KIF13A: variants seen among roughly 807,000 people sequenced by gnomAD.
KIF13A encodes the protein kinesin-like protein KIF13A.
A neutral mutation model predicts 212.2 loss-of-function variants in KIF13A; 79 were observed. The observed-to-expected ratio is 0.37, with a 90% CI of 0.31 to 0.45. KIF13A has a LOEUF of 0.45. Among genes scored for constraint, KIF13A ranks in the 20% least tolerant of loss-of-function variants. The probability of loss-of-function intolerance (pLI) is 1.00; values close to 1 mark genes in which losing one functional copy is unlikely to be tolerated. For synonymous variants in KIF13A, 789 were observed against 808.6 expected, an observed-to-expected ratio of 0.98 and a Z score of 0.41; for missense variants, 1,901 against 2,209.0, an observed-to-expected ratio of 0.86 and a Z score of 2.79.
In KIF13A at chr6:17,934,688, C is replaced by T. The variant is rs1207524059; in HGVS notation, c.147-36508G>A. On this transcript the variant is annotated intron_variant, in intron 2 of 38. Transcript: ENST00000259711. This position sits in a 1 kb window ranked among gnomAD's most constrained non-coding sequence, Gnocchi z 5.4. ...CTGTGGTCTCACCTACTTGGGAGGCCGAGGTGGGAGGATCGCTTGAGCCCA... is the reference window on the plus strand; with the variant it reads ...CTGTGGTCTCACCTACTTGGGAGGCTGAGGTGGGAGGATCGCTTGAGCCCA... Among the ~76,000 whole-genome samples, 3 of 150,908 alleles carry T rather than the reference C, an allele frequency of 2.0e-5. No homozygotes were observed. Among genetic ancestry groups the T allele is most frequent in the Admixed American group, 6.6e-5 (1 of 15,120 alleles).
intron 2 of KIF13A, among the ~76,000 whole-genome samples, chr6:17,910,296 T>C (rs1773927314): frequency 6.6e-6 from 1 of 152,228 alleles, no homozygotes; most frequent in Non-Finnish European, 1.5e-5. Flanking sequence ...CCTGAAAAGA[T>C]AGAGAACCTA....
In KIF13A at chr6:17,789,092, C is replaced by A. The variant is rs1761317925; in HGVS notation, c.3261+780G>T. ...TCCTTTGAAGATGTGTATGGAGAAT[C>A]CGTACAAAGACTGGGAACCGAACCC... is the stretch of plus-strand genomic sequence containing the variant. On this transcript the variant is annotated intron_variant, in intron 26 of 38. Coordinates refer to ENST00000259711, the MANE Select transcript of KIF13A (RefSeq NM_022113.6). The surrounding 1 kb of genome is among the most constrained non-coding windows in gnomAD (Gnocchi z 4.8). Among the ~76,000 whole-genome samples the A allele has an allele frequency of 1.3e-5, 2 of 152,182 alleles. No individual in the cohort carries two copies. Among genetic ancestry groups the A allele is most frequent in the Non-Finnish European group, 2.9e-5 (2 of 68,046 alleles).
chr6:17,984,126 G>C lies in KIF13A; in HGVS notation c.146+2928C>G, dbSNP rs533291434. ...CTTCAAGCAGTTCACAGCCTCCAGG[G>C]AGAGAAAGAGGAAACAGAGAATTTT... is the stretch of plus-strand genomic sequence containing the variant. On this transcript the variant is annotated intron_variant, in intron 2 of 38. Transcript: ENST00000259711. This position sits in a 1 kb window ranked among gnomAD's most constrained non-coding sequence, Gnocchi z 5.0. Among the ~76,000 whole-genome samples the C allele has an allele frequency of 6.6e-6, 1 of 152,164 alleles. No individual in the cohort carries two copies. The highest frequency in any genetic ancestry group is 1.5e-5 in the Non-Finnish European group (1 of 68,040).
Position 17,837,236 on chromosome 6 carries a change from T to C in KIF13A, c.943-146A>G. On this transcript the variant is annotated intron_variant, in intron 10 of 38. Transcript: ENST00000259711. The surrounding 1 kb of genome is among the most constrained non-coding windows in gnomAD (Gnocchi z 5.4). ...GACTTGCATTTCACAAATAACGTCA[T>C]GACAAGATGAAATGTGTCCTCTCTA... 6 of 776,380 alleles carry C rather than the reference T, an allele frequency of 7.7e-6. No homozygotes were observed. The highest frequency in any genetic ancestry group is 7.7e-5 in the East Asian group (3 of 39,058). The allele number at this position is 776,380 out of a possible 1,614,324, so 48.1% of individuals were successfully genotyped here. A position where few individuals can be genotyped will look rare whatever the true frequency, so the allele number is the denominator to read the frequency against.
rs1765715039 is a variant in KIF13A at position 17,834,129 on chromosome 6, G to A, written c.1156-58C>T. 9.8e-7 allele frequency: 1 copy of A among 1,017,488 alleles called. No homozygotes were observed. The highest frequency in any genetic ancestry group is 1.6e-5 in the African/African-American group (1 of 61,356). 63.0% of individuals were successfully genotyped at this position (1,017,488 alleles called of 1,614,324 possible). A position where few individuals can be genotyped will look rare whatever the true frequency, so the allele number is the denominator to read the frequency against. On this transcript the variant is annotated intron_variant, in intron 11 of 38. Coordinates refer to ENST00000259711, the MANE Select transcript of KIF13A (RefSeq NM_022113.6). The surrounding 1 kb of genome is among the most constrained non-coding windows in gnomAD (Gnocchi z 4.0). ...AAAATTTTTCCACCATCATATACAAGACAATCAGTTACTGTCCCTCTTAAG... is the reference window on the plus strand; with the variant it reads ...AAAATTTTTCCACCATCATATACAAAACAATCAGTTACTGTCCCTCTTAAG...
At chr6:17,802,286 T>C (rs6899773) in intron 20 of KIF13A, among the ~76,000 whole-genome samples, 6,635 of 151,494 alleles carry the variant, frequency 0.044, 496 homozygotes, top group African/African-American at 0.15. Context: ...AGATAGTTGT[T>C]CTTAAGCTTT....
At chr6:17,893,994 C>T (rs376749115) in intron 3 of KIF13A, among the ~76,000 whole-genome samples, 8 of 151,728 alleles carry the variant, frequency 5.3e-5, no homozygotes, top group African/African-American at 1.7e-4. Context: ...CGTGTGCCAC[C>T]ACACCCGGCT....
intron 2 of KIF13A, among the ~76,000 whole-genome samples, chr6:17,973,407 T>C (rs1779995217): frequency 6.6e-6 from 1 of 152,218 alleles, no homozygotes; most frequent in African/African-American, 2.4e-5. Flanking sequence ...TGCTGCTTTA[T>C]TTCATTTGAC....
At chr6:17,920,119 T>G (rs1397951364) in intron 2 of KIF13A, among the ~76,000 whole-genome samples, 1 of 152,188 alleles carries the variant, frequency 6.6e-6, no homozygotes, top group Non-Finnish European at 1.5e-5. Flanking sequence ...CAGTCTCTAT[T>G]ACATGGTCCA....
At chr6:17,793,939 C>A (rs901282607) in intron 25 of KIF13A, among the ~76,000 whole-genome samples, 1 of 151,802 alleles carries the variant, frequency 6.6e-6, no homozygotes, top group Non-Finnish European at 1.5e-5. Context: ...CACAAAAAAA[C>A]CCAAAAAGTG....
intron 14 of KIF13A, among the ~76,000 whole-genome samples, chr6:17,827,818 A>G (rs777699940): frequency 6.6e-6 from 1 of 152,172 alleles, no homozygotes; most frequent in Non-Finnish European, 1.5e-5. Context: ...CACCCCGCCT[A>G]GCCAATTTTC....
chr6:17,986,434 G>A (rs1242904455), intron 2 of KIF13A, among the ~76,000 whole-genome samples: 1 of 152,128 alleles, frequency 6.6e-6, no homozygotes, highest in African/African-American at 2.4e-5. Context: ...ACATCCCTCA[G>A]TGTCTATACA....
chr6:17,841,834 GTTC>G lies in KIF13A; in HGVS notation c.831-4254_831-4252del, dbSNP rs750836267. 1.4e-4 allele frequency among the ~76,000 whole-genome samples: 21 copies of G among 152,184 alleles called. 1 individual carries two copies. Among genetic ancestry groups the G allele is most frequent in the Admixed American group, 9.2e-4 (14 of 15,292 alleles). On this transcript the variant is annotated intron_variant, in intron 9 of 38. Transcript: ENST00000259711. ...AGCCCATGCTATCCTTTTTGTCTAT[GTTC>G]CACTCAGAAGCAATGATGCAGGGGC...
chr6:17,764,453 G>A lies in KIF13A; in HGVS notation c.5075C>T (p.Ser1692Leu). 3 of 1,614,034 alleles carry A rather than the reference G, an allele frequency of 1.9e-6. No individual in the cohort carries two copies. The highest frequency in any genetic ancestry group is 2.5e-6 in the Non-Finnish European group (3 of 1,179,892). Residue 1692 changes from serine (S) to leucine (L), a missense_variant, in exon 39 of 39, where the codon TCA (serine) becomes TTA (leucine). Ser to Leu is a moderately radical substitution (Grantham distance 145). This residue lies in a region of KIF13A where 687 missense variants were observed against 759.1 expected (regional missense o/e 0.90). Transcript: ENST00000259711. The surrounding 1 kb of genome is among the most constrained non-coding windows in gnomAD (Gnocchi z 5.1). Reference sequence around the variant, plus strand: ...TGAACATGAGCCAGTCCTGCACAGTGATTTGGAGTTTTTCTCAGGGATGCT... The same window carrying A: ...TGAACATGAGCCAGTCCTGCACAGTAATTTGGAGTTTTTCTCAGGGATGCT... ...SQSIPEKNSK[S>L]LCRTGSCSEL...
intron 2 of KIF13A, among the ~76,000 whole-genome samples, chr6:17,916,388 G>A (rs1016292579): frequency 1.1e-4 from 16 of 152,162 alleles, no homozygotes; most frequent in Admixed American, 7.9e-4. Flanking sequence ...TATAACGCCT[G>A]TTACCTTCCC....
chr6:17,837,199 T>TA lies in KIF13A; in HGVS notation c.943-110dup. ...ACATTATTCTCTATGAAGGAAACAT[T>TA]ATGTGGAAATGGACTTGCATTTCAC... On this transcript the variant is annotated intron_variant, in intron 10 of 38. Coordinates refer to ENST00000259711, the MANE Select transcript of KIF13A (RefSeq NM_022113.6). The surrounding 1 kb of genome is among the most constrained non-coding windows in gnomAD (Gnocchi z 5.4). 2 of 971,302 alleles carry TA rather than the reference T, an allele frequency of 2.1e-6. No homozygotes were observed. The highest frequency in any genetic ancestry group is 3.2e-6 in the Non-Finnish European group (2 of 634,024). The allele number at this position is 971,302 out of a possible 1,614,324, so 60.2% of individuals were successfully genotyped here. A position where few individuals can be genotyped will look rare whatever the true frequency, so the allele number is the denominator to read the frequency against.
chr6:17,764,987 G>T lies in KIF13A; in HGVS notation c.4582-41C>A. The stretch of plus-strand genomic sequence containing the variant: ...AAAAGTCAGTCATTAGCTCCTTGTA[G>T]CAACTGTACTGTTGAGACAAGTTTT... On this transcript the variant is annotated intron_variant, in intron 38 of 38. Coordinates refer to ENST00000259711, the MANE Select transcript of KIF13A (RefSeq NM_022113.6). The surrounding 1 kb of genome is among the most constrained non-coding windows in gnomAD (Gnocchi z 5.1). The T allele has an allele frequency of 6.9e-7, 1 of 1,449,426 alleles. No individual in the cohort carries two copies. Among genetic ancestry groups the T allele is most frequent in the East Asian group, 2.3e-5 (1 of 43,312 alleles). The allele number at this position is 1,449,426 out of a possible 1,614,324, so 89.8% of individuals were successfully genotyped here.
chr6:17,839,099 C>T lies in KIF13A; in HGVS notation c.831-1516G>A, dbSNP rs969578266. Among the ~76,000 whole-genome samples, 2 of 152,274 alleles carry T rather than the reference C, an allele frequency of 1.3e-5. No individual in the cohort carries two copies. Among genetic ancestry groups the T allele is most frequent in the East Asian group, 1.9e-4 (1 of 5,182 alleles). The stretch of plus-strand genomic sequence containing the variant: ...CATCCCAAAGTGCTGGGATTATAGG[C>T]GTGAGCCACTGCGCCCAGCCAAGAA... On this transcript the variant is annotated intron_variant, in intron 9 of 38. Transcript: ENST00000259711. The surrounding 1 kb of genome is among the most constrained non-coding windows in gnomAD (Gnocchi z 4.3).
chr6:17,787,702 G>T lies in KIF13A; in HGVS notation c.3361+74C>A. On this transcript the variant is annotated intron_variant, in intron 27 of 38. Transcript: ENST00000259711. This position sits in a 1 kb window ranked among gnomAD's most constrained non-coding sequence, Gnocchi z 4.6. ...AATAAGATACTACTGTCCAGTTAGG[G>T]GAAGAAAACGACCTACTGCCATTGT... The T allele has an allele frequency of 5.9e-6, 5 of 846,038 alleles. No homozygotes were observed. Among genetic ancestry groups the T allele is most frequent in the Non-Finnish European group, 1.0e-5 (5 of 489,614 alleles). The allele number at this position is 846,038 out of a possible 1,614,324, so 52.4% of individuals were successfully genotyped here.
Sources: allele counts gnomAD v4.1 joint callset (sites outside exome capture counted in the v4.1 genomes callset), GRCh38; gene constraint gnomAD v4.1.1; regional missense constraint gnomAD v4.1.1; non-coding constraint Gnocchi (gnomAD v3.1); transcripts MANE v1.5; gene names NCBI Gene and HGNC (gene_info 2026-07-23, HGNC 2026-07-21).